The following MAP2K3 variants were observed in gnomAD, a reference collection of about 807,000 sequenced individuals.
MAP2K3 encodes dual specificity mitogen-activated protein kinase kinase 3.
Under a neutral mutation model 46.4 loss-of-function variants are expected in MAP2K3, and 30 were observed. The ratio of observed to expected loss-of-function variants is 0.65; its 90% CI spans 0.48 to 0.88. The LOEUF (loss-of-function observed/expected upper bound fraction) is 0.88. Ranked by LOEUF, MAP2K3 falls within the 40% of genes least tolerant of loss-of-function variation. MAP2K3 has a pLI of 0.00. For missense variants in MAP2K3, 380 were observed against 464.5 expected (o/e 0.82, Z 1.67); for synonymous variants, 189 against 176.3 (o/e 1.07, Z -0.57).
intron 9 of MAP2K3, among the ~76,000 whole-genome samples, chr17:21,307,200 T>C (rs1976931852): frequency 6.6e-6 from 1 of 152,306 alleles, no homozygotes; most frequent in Non-Finnish European, 1.5e-5. Flanking sequence ...AGCAGCCCCA[T>C]CTGAGGCTGT....
rs1324002736 is a variant in MAP2K3, at chr17:21,284,976, G to A, written c.49+7G>A. Reference sequence around the variant, plus strand: ...AGCATGCCCCAGTCCAAAGGTAGGCGCTCCCGGCCGGGACCTCGGCCTGAC... The same window carrying A: ...AGCATGCCCCAGTCCAAAGGTAGGCACTCCCGGCCGGGACCTCGGCCTGAC... On this transcript the variant is annotated splice_region_variant and intron_variant, in intron 1 of 11. Coordinates refer to ENST00000342679, the MANE Select transcript of MAP2K3 (RefSeq NM_145109.3). 6.2e-7 allele frequency: 1 copy of A among 1,607,818 alleles called. No homozygotes were observed. The highest frequency in any genetic ancestry group is 8.5e-7 in the Non-Finnish European group (1 of 1,177,852).
intron 1 of MAP2K3, chr17:21,295,512 C>A: frequency 1.0e-6 from 1 of 959,972 alleles, no homozygotes; most frequent in East Asian, 1.1e-4. Context: ...ACCTGGGCAG[C>A]CCTGGGCTGC....
At chr17:21,291,566 A>G (rs1455365401) in intron 1 of MAP2K3, 4 of 456,436 alleles carry the variant, frequency 8.8e-6, no homozygotes, top group African/African-American at 2.0e-5. Context: ...CATTCTTCTG[A>G]TGCTCTGGGA....
rs1328304130 is a variant in MAP2K3, at chr17:21,284,745, CCTTGCT to C, written c.-175_-170del. ...CCGGCGCCGCCCGTCGCGGACTCGT[CCTTGCT>C]GCAGTCGCCGCCGCAGTCCTCGCCG... On this transcript the variant is annotated 5_prime_UTR_variant, in exon 1 of 12. Coordinates refer to ENST00000342679, the MANE Select transcript of MAP2K3 (RefSeq NM_145109.3). The C allele has an allele frequency of 1.7e-6, 1 of 602,546 alleles. No individual in the cohort carries two copies. The highest frequency in any genetic ancestry group is 3.6e-5 in the East Asian group (1 of 28,168). 37.3% of individuals were successfully genotyped at this position (602,546 alleles called of 1,614,324 possible).
chr17:21,285,113 G>A, intron 1 of MAP2K3, 144 bp downstream of exon 1: 1 of 1,332,240 alleles, frequency 7.5e-7, no homozygotes, highest in Non-Finnish European at 1.0e-6. Context: ...CCTGTTCGGG[G>A]TCCCGGGACC....
At chr17:21,298,587 T>C (rs1049152739) in intron 2 of MAP2K3, 108 bp downstream of exon 2, 12 of 1,561,964 alleles carry the variant, frequency 7.7e-6, no homozygotes, top group African/African-American at 6.8e-5. Context: ...TACCTCGTCC[T>C]GTCCTGGGCA....
chr17:21,286,212 A>G (rs1230143763), intron 1 of MAP2K3, among the ~76,000 whole-genome samples: 1 of 152,234 alleles, frequency 6.6e-6, no homozygotes, highest in Non-Finnish European at 1.5e-5. Context: ...TCACCAGGGT[A>G]CACTGGCTGC....
chr17:21,304,443 G>A lies in MAP2K3; in HGVS notation c.586G>A (p.Val196Ile), dbSNP rs767600120. 2 of 1,614,320 alleles carry A rather than the reference G, an allele frequency of 1.2e-6. No individual in the cohort carries two copies. Among genetic ancestry groups the A allele is most frequent in the East Asian group, 4.5e-5 (2 of 44,896 alleles). ...VIHRDVKPSN[V>I]LINKEGHVKM... The stretch of plus-strand genomic sequence containing the variant: ...CCTGGCAGATGTGAAGCCCTCCAAT[G>A]TCCTTATCAACAAGGAGGGCCATGT... Residue 196 changes from valine to isoleucine, a missense_variant, in exon 8 of 12, where the codon GTC becomes ATC. Val to Ile is a conservative substitution (Grantham distance 29). Transcript: ENST00000342679.
At chr17:21,301,954 C>T (rs910036438) in intron 5 of MAP2K3, among the ~76,000 whole-genome samples, 189 bp from the exon 6 acceptor site, 47 of 152,288 alleles carry the variant, frequency 3.1e-4, no homozygotes, top group African/African-American at 1.1e-3. Flanking sequence ...CCTGGCAGTG[C>T]AGGCAGAGTT....
chr17:21,287,918 C>A, intron 1 of MAP2K3: 1 of 747,008 alleles, frequency 1.3e-6, no homozygotes, highest in South Asian at 1.4e-5. Flanking sequence ...TGGCCACCCC[C>A]CCAACCCCTG....
At chr17:21,304,398 G>A (rs200908664) in intron 7 of MAP2K3, 28 bp from the exon 8 acceptor site, 74 of 1,614,216 alleles carry the variant, frequency 4.6e-5, no homozygotes, top group African/African-American at 3.1e-4. Flanking sequence ...CTCCACAGAC[G>A]TGGCTGAGGC....
At chr17:21,306,847 A>T (rs943423362) in intron 9 of MAP2K3, among the ~76,000 whole-genome samples, 57 of 152,422 alleles carry the variant, frequency 3.7e-4, no homozygotes, top group South Asian at 8.3e-4. Flanking sequence ...GTGCAGTGGT[A>T]TCATCGCAGC....
At chr17:21,304,311 G>A in intron 7 of MAP2K3, 115 bp from the exon 8 acceptor site, 5 of 1,570,204 alleles carry the variant, frequency 3.2e-6, no homozygotes, top group East Asian at 2.2e-5. Flanking sequence ...CTGGGGCATG[G>A]GAGGGGGCAC....
intron 10 of MAP2K3, 121 bp from the exon 11 acceptor site, chr17:21,313,371 T>C: frequency 1.3e-6 from 1 of 748,502 alleles, no homozygotes; most frequent in South Asian, 1.6e-5. Context: ...TGTCCCTTCT[T>C]CCCTGGGTGC....
chr17:21,292,358 C>T (rs11204348), intron 1 of MAP2K3, among the ~76,000 whole-genome samples: 1 of 152,422 alleles, frequency 6.6e-6, no homozygotes, highest in South Asian at 2.1e-4. Context: ...ATACTCTGCA[C>T]ACTCCAGCAT....
At chr17:21,298,752 G>T in intron 2 of MAP2K3, 126 bp from the exon 3 acceptor site, 1 of 1,420,622 alleles carries the variant, frequency 7.0e-7, no homozygotes, top group Non-Finnish European at 9.8e-7. Flanking sequence ...GAGGTGGCCG[G>T]AGAAGGCGCC....
At chr17:21,289,650 A>G (rs1975828541) in intron 1 of MAP2K3, among the ~76,000 whole-genome samples, 1 of 152,192 alleles carries the variant, frequency 6.6e-6, no homozygotes. Flanking sequence ...GCTTCTGCAG[A>G]TGCCTCCCCG....
chr17:21,292,503 C>G (rs533210074), intron 1 of MAP2K3, among the ~76,000 whole-genome samples: 1 of 152,424 alleles, frequency 6.6e-6, no homozygotes, highest in Non-Finnish European at 1.5e-5. Flanking sequence ...ACTACAGGCA[C>G]GCACCACCAC....
At chr17:21,313,866 G>C in intron 11 of MAP2K3, 1 of 573,500 alleles carries the variant, frequency 1.7e-6, no homozygotes, top group Admixed American at 3.0e-5. Context: ...TCTCCTGATG[G>C]AGAGGCTGTC....
Sources: allele counts gnomAD v4.1 joint callset (sites outside exome capture counted in the v4.1 genomes callset), GRCh38; gene constraint gnomAD v4.1.1; transcripts MANE v1.5; gene names NCBI Gene and HGNC (gene_info 2026-07-23, HGNC 2026-07-21).